MYOM3: variants seen among roughly 807,000 people sequenced by gnomAD.
MYOM3 encodes the protein myomesin-3.
Under a neutral mutation model 191.7 loss-of-function variants are expected in MYOM3, and 155 were observed. The ratio of observed to expected loss-of-function variants is 0.81; its 90% CI spans 0.71 to 0.92. MYOM3 has a LOEUF of 0.92. Among genes scored for constraint, MYOM3 ranks in the 40% least tolerant of loss-of-function variants. The probability of loss-of-function intolerance (pLI) is 0.00; values close to 1 mark genes in which losing one functional copy is unlikely to be tolerated. For synonymous variants in MYOM3, 757 were observed against 762.9 expected (o/e 0.99, Z 0.13); for missense variants, 1,889 against 1,890.6 (o/e 1.00, Z 0.02).
intron 14 of MYOM3, 134 bp from the exon 15 acceptor site, chr1:24,086,961 C>G (rs1029630876): frequency 1.8e-5 from 16 of 887,720 alleles, no homozygotes; most frequent in Middle Eastern, 3.2e-4. Flanking sequence ...TGCCCCTGAG[C>G]ATGGGGCTCT....
intron 5 of MYOM3, among the ~76,000 whole-genome samples, chr1:24,104,449 C>T (rs964260173): frequency 1.3e-5 from 2 of 152,126 alleles, no homozygotes; most frequent in African/African-American, 4.8e-5. Flanking sequence ...AGAGTTAATT[C>T]CTTGAAGGTG....
At chr1:24,083,226 C>T (rs1643696003) in intron 16 of MYOM3, 1 of 152,332 alleles carries the variant, frequency 6.6e-6, no homozygotes, top group Non-Finnish European at 1.5e-5. Context: ...GGACCTCTTT[C>T]TCTCTCTTCA....
chr1:24,094,831 G>C, intron 9 of MYOM3, 22 bp downstream of exon 9: 1 of 1,600,924 alleles, frequency 6.2e-7, no homozygotes. Context: ...GGAGGCTGGG[G>C]GCCAGGACTG....
chr1:24,076,058 G>A, intron 21 of MYOM3, 101 bp downstream of exon 21: 1 of 866,350 alleles, frequency 1.2e-6, no homozygotes, highest in Non-Finnish European at 1.9e-6. Context: ...AAGTGTGAGG[G>A]CCTAGCACAG....
chr1:24,100,760 G>T (rs147012098), intron 5 of MYOM3, among the ~76,000 whole-genome samples: 1 of 152,006 alleles, frequency 6.6e-6, no homozygotes, highest in Non-Finnish European at 1.5e-5. Flanking sequence ...GGTGGCGGGC[G>T]CCTGTAGTCC....
rs1169158266 is a variant in MYOM3, at chr1:24,065,881, C to T, written c.3534+10G>A. 6.3e-7 allele frequency: 1 copy of T among 1,580,466 alleles called. No individual in the cohort carries two copies. The highest frequency in any genetic ancestry group is 8.7e-7 in the Non-Finnish European group (1 of 1,149,278). ...GAGAAAGTGAGCCCTGAAGCTGGAG[C>T]CACACTTGCCTCTTCAATGCAGAGA... is the stretch of plus-strand genomic sequence containing the variant. On this transcript the variant is annotated intron_variant, in intron 29 of 36. Coordinates refer to ENST00000374434, the MANE Select transcript of MYOM3 (RefSeq NM_152372.4).
At chr1:24,059,912 G>A (rs1440823024) in intron 35 of MYOM3, among the ~76,000 whole-genome samples, 2 of 152,212 alleles carry the variant, frequency 1.3e-5, no homozygotes, top group Non-Finnish European at 2.9e-5. Flanking sequence ...TGTCTGTCCA[G>A]TGGGTGAAAG....
chr1:24,074,594 A>T (rs906825730), intron 22 of MYOM3, among the ~76,000 whole-genome samples: 2 of 152,124 alleles, frequency 1.3e-5, no homozygotes, highest in Non-Finnish European at 2.9e-5. Flanking sequence ...AGGATGAGAC[A>T]TGGGGGCATG....
chr1:24,067,382 TTC>T, intron 27 of MYOM3, among the ~76,000 whole-genome samples: 2 of 110,886 alleles, frequency 1.8e-5, no homozygotes, highest in Non-Finnish European at 3.6e-5. Context: ...CCTTCTTTCT[TTC>T]TTTTTCCTTC....
chr1:24,107,784 G>A (rs978034515), intron 3 of MYOM3, among the ~76,000 whole-genome samples: 3 of 152,206 alleles, frequency 2.0e-5, no homozygotes, highest in African/African-American at 7.2e-5. Context: ...ACAGTCCCCC[G>A]CTATGACACG....
At chr1:24,094,384 C>G (rs1292170944) in intron 9 of MYOM3, among the ~76,000 whole-genome samples, 1 of 152,042 alleles carries the variant, frequency 6.6e-6, no homozygotes. Flanking sequence ...GTTGGCTAGA[C>G]CTGAACTCTT....
At chr1:24,060,370 C>T (rs952060679) in intron 35 of MYOM3, among the ~76,000 whole-genome samples, 5 of 152,236 alleles carry the variant, frequency 3.3e-5, no homozygotes, top group South Asian at 2.1e-4. Flanking sequence ...AATGATGCCA[C>T]GCAGAGCGAA....
At chr1:24,106,212 G>T in intron 4 of MYOM3, 135 bp from the exon 5 acceptor site, 1 of 1,024,882 alleles carries the variant, frequency 9.8e-7, no homozygotes, top group Non-Finnish European at 1.4e-6. Flanking sequence ...CCCTCCCCTA[G>T]CTGAGCAGGG....
chr1:24,072,657 C>T (rs1370159535), intron 23 of MYOM3, among the ~76,000 whole-genome samples: 1 of 152,208 alleles, frequency 6.6e-6, no homozygotes, highest in Non-Finnish European at 1.5e-5. Flanking sequence ...GCCTCAGCCT[C>T]CCAAGTAGCT....
chr1:24,095,591 G>T, intron 7 of MYOM3, 105 bp from the exon 8 acceptor site: 2 of 954,718 alleles, frequency 2.1e-6, no homozygotes, highest in Non-Finnish European at 3.2e-6. Context: ...CTGGTCTGTT[G>T]GTGGCTTCCC....
rs765903127 is a variant in MYOM3 at position 24,064,176 on chromosome 1, GC to G, written c.3535-18del. Reference sequence around the variant, plus strand: ...TTTGGACAACTGGAAAGAAGGATGAGCGATGGTGGTGTCAGCATGGGCTCCA... The same window carrying G: ...TTTGGACAACTGGAAAGAAGGATGAGGATGGTGGTGTCAGCATGGGCTCCA... On this transcript the variant is annotated intron_variant, in intron 29 of 36. Transcript: ENST00000374434. The G allele has an allele frequency of 6.2e-7, 1 of 1,604,378 alleles. No individual in the cohort carries two copies.
intron 20 of MYOM3, among the ~76,000 whole-genome samples, chr1:24,077,622 A>T (rs1643617908): frequency 6.6e-6 from 1 of 152,322 alleles, no homozygotes; most frequent in African/African-American, 2.4e-5. Context: ...GACCCCCTCA[A>T]TTGCAGCATT....
intron 35 of MYOM3, among the ~76,000 whole-genome samples, chr1:24,060,460 T>C (rs539497568): frequency 5.3e-4 from 81 of 152,352 alleles, no homozygotes; most frequent in Non-Finnish European, 9.8e-4. Flanking sequence ...TCTCCTTCTA[T>C]GGCCACACCT....
intron 35 of MYOM3, among the ~76,000 whole-genome samples, chr1:24,059,877 T>G (rs9661287): frequency 1.1e-4 from 17 of 151,976 alleles, no homozygotes; most frequent in Non-Finnish European, 2.2e-4. Flanking sequence ...GGATCAGGGA[T>G]GTGCAAAGAT....
Sources: allele counts gnomAD v4.1 joint callset (sites outside exome capture counted in the v4.1 genomes callset), GRCh38; gene constraint gnomAD v4.1.1; transcripts MANE v1.5; gene names NCBI Gene and HGNC (gene_info 2026-07-23, HGNC 2026-07-21).